The following NOTCH4 variants were observed in gnomAD, a reference collection of about 807,000 sequenced individuals.
The protein encoded by NOTCH4 is notch receptor 4.
Under a neutral mutation model 189.0 loss-of-function variants are expected in NOTCH4, and 138 were observed. The observed-to-expected ratio is 0.73, with a 90% CI of 0.64 to 0.84. The LOEUF (loss-of-function observed/expected upper bound fraction) is 0.84. Ranked by LOEUF, NOTCH4 falls within the 40% of genes least tolerant of loss-of-function variation. The pLI, the probability that NOTCH4 is intolerant of heterozygous loss-of-function variation, is 0.00. For missense variants in NOTCH4, 2,286 were observed against 2,605.4 expected, an observed-to-expected ratio of 0.88 and a Z score of 2.67; for synonymous variants, 942 against 1,032.8, an observed-to-expected ratio of 0.91 and a Z score of 1.69.
At chr6:32,214,021 A>G in intron 13 of NOTCH4, 89 bp downstream of exon 13, 1 of 1,490,014 alleles carries the variant, frequency 6.7e-7, no homozygotes, top group South Asian at 1.2e-5. Flanking sequence ...CTTAGTGGTG[A>G]CTGAGACTCA....
At position 32,220,660 on chromosome 6, in the gene NOTCH4, G is replaced by A. The variant is rs2127488050; in HGVS notation, c.923-19C>T. On this transcript the variant is annotated intron_variant, in intron 5 of 29. Transcript: ENST00000375023. ...TCCCAGCCTGCAGGGGGTTGGGGAGGGGACGAGGGCTAAGGCTGGGAGCCC... is the reference window on the plus strand; with the variant it reads ...TCCCAGCCTGCAGGGGGTTGGGGAGAGGACGAGGGCTAAGGCTGGGAGCCC... The A allele has an allele frequency of 3.7e-6, 6 of 1,612,936 alleles. No homozygotes were observed. Among genetic ancestry groups the A allele is most frequent in the Non-Finnish European group, 4.2e-6 (5 of 1,179,038 alleles).
rs765479460 is a variant in NOTCH4, at chr6:32,220,211, G to A, written c.1233C>T (p.Pro411=). 9 of 1,613,788 alleles carry A rather than the reference G, an allele frequency of 5.6e-6. No homozygotes were observed. The Admixed American group carries it at 1.0e-4, about 18-fold the overall frequency. ...ACAGGCAGAGTGTGGAGCCTGTGAG[G>A]GGGTTGGTGCTGCATTGGGCATCCC... The part of the protein sequence containing the change: ...CHGDAQCSTN[P]LTGSTLCLCQ... Residue 411 remains proline (P), a synonymous_variant, in exon 7 of 30, where the codon CCC becomes CCT. Coordinates refer to ENST00000375023, the MANE Select transcript of NOTCH4 (RefSeq NM_004557.4).
chr6:32,195,447 CCCTCTCCT>C lies in NOTCH4; in HGVS notation c.5994_6001del (p.Gly1999Ter), dbSNP rs1187858991. The C allele has an allele frequency of 1.3e-6, 2 of 1,591,286 alleles. No homozygotes were observed. Among genetic ancestry groups the C allele is most frequent in the African/African-American group, 2.7e-5 (2 of 74,132 alleles). The stretch of plus-strand genomic sequence containing the variant: ...CTACCATGTATTCTTCTATTTTTTA[CCCTCTCCT>C]CCTTGGTTTATGGGCATTTCTTGGA... On this transcript the variant is annotated frameshift_variant, in exon 30 of 30. Coordinates refer to ENST00000375023, the MANE Select transcript of NOTCH4 (RefSeq NM_004557.4). LOFTEE classifies it high-confidence loss of function. The surrounding 1 kb of genome is among the most constrained non-coding windows in gnomAD (Gnocchi z 5.4).
In NOTCH4 at chr6:32,212,474, C is replaced by T. The variant is rs2127477094; in HGVS notation, c.2680G>A (p.Gly894Ser). 6.2e-7 allele frequency: 1 copy of T among 1,607,112 alleles called. No homozygotes were observed. Among genetic ancestry groups the T allele is most frequent in the Non-Finnish European group, 8.5e-7 (1 of 1,177,286 alleles). The change falls in exon 17 of 30, where the codon GGC (glycine) becomes AGC (serine). Residue 894 changes from glycine (G) to serine (S), a missense_variant and splice_region_variant. Transcript: ENST00000375023. This position sits in a 1 kb window ranked among gnomAD's most constrained non-coding sequence, Gnocchi z 4.4. ...SSCQKAALSQGIDVSSLCHNG... is the reference protein window; with the variant it reads ...SSCQKAALSQSIDVSSLCHNG... ...TCCAGTCAGTGCCGGCGTTGGTTACCTTGGCTCAGTGCAGCCTTCTGGCAG... is the reference window on the plus strand; with the variant it reads ...TCCAGTCAGTGCCGGCGTTGGTTACTTTGGCTCAGTGCAGCCTTCTGGCAG...
rs1279928656 is a variant in NOTCH4, at chr6:32,223,082, C to G, written c.78G>C (p.Leu26=). The G allele has an allele frequency of 3.7e-6, 6 of 1,613,760 alleles. No individual in the cohort carries two copies. The highest frequency in any genetic ancestry group is 5.1e-6 in the Non-Finnish European group (6 of 1,179,722). ...AGGGTTCTGGGAAACTCCCACACAG[C>G]AGCCCTGAGGGTGGAGAGGCAGGCG... is the stretch of plus-strand genomic sequence containing the variant. ...LCVSVVRPRG[L]LCGSFPEPCA... Residue 26 remains leucine (L), a synonymous_variant, in exon 2 of 30, where the codon CTG becomes CTC. Transcript: ENST00000375023.
At position 32,210,948 on chromosome 6, in the gene NOTCH4, G is replaced by A. The variant is rs1788975276; in HGVS notation, c.2681-12C>T. 1 of 1,566,282 alleles carries A rather than the reference G, an allele frequency of 6.4e-7. No individual in the cohort carries two copies. Among genetic ancestry groups the A allele is most frequent in the Non-Finnish European group, 8.6e-7 (1 of 1,157,750 alleles). ...AGAGACGTCTATGCCTGGGGAGAGA[G>A]ACAAACAGGGATATACAAAGATAAG... On this transcript the variant is annotated splice_polypyrimidine_tract_variant and intron_variant, in intron 17 of 29. Transcript: ENST00000375023. The surrounding 1 kb of genome is among the most constrained non-coding windows in gnomAD (Gnocchi z 4.8).
At chr6:32,206,169 C>A (rs757302542) in intron 18 of NOTCH4, among the ~76,000 whole-genome samples, 28 of 152,122 alleles carry the variant, frequency 1.8e-4, no homozygotes, top group Admixed American at 1.6e-3. Flanking sequence ...CAAGGATGCT[C>A]ACTTTCACTA....
Position 32,212,102 on chromosome 6 carries a change from T to A in NOTCH4, c.2680+372A>T, listed in dbSNP as rs17201756. Among the ~76,000 whole-genome samples the A allele has an allele frequency of 0.031, 4,714 of 152,022 alleles. 106 individuals carry two copies. The highest frequency in any genetic ancestry group is 0.093 in the South Asian group (449 of 4,814). On this transcript the variant is annotated intron_variant, in intron 17 of 29. Coordinates refer to ENST00000375023, the MANE Select transcript of NOTCH4 (RefSeq NM_004557.4). The surrounding 1 kb of genome is among the most constrained non-coding windows in gnomAD (Gnocchi z 4.4). ...GAGGGTGGCGTGACATCGAAGTGAG[T>A]GGGGTGGGGTGAAATGCGTTGAGTG...
In NOTCH4 at chr6:32,202,741, C is replaced by G. The variant is rs1204532670; in HGVS notation, c.3232-142G>C. The G allele has an allele frequency of 4.4e-6, 3 of 687,094 alleles. No individual in the cohort carries two copies. The highest frequency in any genetic ancestry group is 7.0e-6 in the Non-Finnish European group (3 of 427,850). The allele number at this position is 687,094 out of a possible 1,614,324, so 42.6% of individuals were successfully genotyped here. ...GCGCCTCAGAGAGCATCAAGTTAAT[C>G]ATTTTGTGGATGTTGAAACCATGTC... On this transcript the variant is annotated intron_variant, in intron 20 of 29. Transcript: ENST00000375023. This position sits in a 1 kb window ranked among gnomAD's most constrained non-coding sequence, Gnocchi z 5.7.
At position 32,221,517 on chromosome 6, in the gene NOTCH4, G is replaced by T. The variant is rs1317529541; in HGVS notation, c.452-192C>A. 6.6e-6 allele frequency among the ~76,000 whole-genome samples: 1 copy of T among 152,152 alleles called. No homozygotes were observed. Among genetic ancestry groups the T allele is most frequent in the African/African-American group, 2.4e-5 (1 of 41,416 alleles). The stretch of plus-strand genomic sequence containing the variant: ...GTCATGGCTTGGGAGGGTTTATCTG[G>T]AGTGACCATATCTTCTAAAGTGATG... On this transcript the variant is annotated intron_variant, in intron 3 of 29. Transcript: ENST00000375023. This position sits in a 1 kb window ranked among gnomAD's most constrained non-coding sequence, Gnocchi z 4.3.
chr6:32,195,721 T>G lies in NOTCH4; in HGVS notation c.5728A>C (p.Thr1910Pro), dbSNP rs2127458168. ...LSGVGAGGGPTPRGRRFSAGM... is the reference protein window; with the variant it reads ...LSGVGAGGGPPPRGRRFSAGM... Reference sequence around the variant, plus strand: ...GCAGAAAACCTACGGCCGCGAGGGGTCGGGCCTCCTCCTGCTCCTACTCCC... The same window carrying G: ...GCAGAAAACCTACGGCCGCGAGGGGGCGGGCCTCCTCCTGCTCCTACTCCC... Residue 1910 changes from threonine (T) to proline (P), a missense_variant, in exon 30 of 30, where the codon ACC (threonine) becomes CCC (proline). Around this residue, in one of 2 missense-constraint regions of NOTCH4, gnomAD observed 383 missense variants for 343.5 expected, o/e 1.11. Coordinates refer to ENST00000375023, the MANE Select transcript of NOTCH4 (RefSeq NM_004557.4). The surrounding 1 kb of genome is among the most constrained non-coding windows in gnomAD (Gnocchi z 5.4). 6.2e-7 allele frequency: 1 copy of G among 1,612,656 alleles called. No homozygotes were observed. Among genetic ancestry groups the G allele is most frequent in the Non-Finnish European group, 8.5e-7 (1 of 1,179,886 alleles).
rs1561937635 is a variant in NOTCH4 at position 32,214,249 on chromosome 6, T to A, written c.2028A>T (p.Ser676=). 1 of 1,612,936 alleles carries A rather than the reference T, an allele frequency of 6.2e-7. No individual in the cohort carries two copies. The highest frequency in any genetic ancestry group is 8.5e-7 in the Non-Finnish European group (1 of 1,179,514). The part of the protein sequence containing the change: ...TCHHGHCQRS[S]CVCDVGWTGP... ...CCGTCCAACCCACGTCACACACACA[T>A]GAGGATCTGGTTGTAAAGAGAAAGG... Residue 676 remains serine, a synonymous_variant, in exon 13 of 30, where the codon TCA becomes TCT. Transcript: ENST00000375023.
chr6:32,213,082 G>A, intron 15 of NOTCH4, 53 bp downstream of exon 15: 1 of 1,380,490 alleles, frequency 7.2e-7, no homozygotes, highest in Non-Finnish European at 1.0e-6. Context: ...GAGAGGAGGG[G>A]TGGGAAGGCT....
chr6:32,213,552 A>T, intron 14 of NOTCH4, 136 bp downstream of exon 14: 1 of 1,127,168 alleles, frequency 8.9e-7, no homozygotes, highest in Non-Finnish European at 1.3e-6. Flanking sequence ...TGCCCAGCTA[A>T]TTTAGAGATG....
chr6:32,199,309 G>A lies in NOTCH4; in HGVS notation c.4316-164C>T, dbSNP rs1399102520. Among the ~76,000 whole-genome samples the A allele has an allele frequency of 6.6e-6, 1 of 152,224 alleles. No homozygotes were observed. The highest frequency in any genetic ancestry group is 2.4e-5 in the African/African-American group (1 of 41,458). On this transcript the variant is annotated intron_variant, in intron 23 of 29. Transcript: ENST00000375023. This position sits in a 1 kb window ranked among gnomAD's most constrained non-coding sequence, Gnocchi z 4.9. ...AGGTTGGGCACAGTGGCTCATGCCT[G>A]TAATCCCAGCACTTTGGGAAGCTGA...
rs746597692 is a variant in NOTCH4 at position 32,200,846 on chromosome 6, G to A, written c.4300C>T (p.Pro1434Ser). 6.2e-7 allele frequency: 1 copy of A among 1,607,122 alleles called. No individual in the cohort carries two copies. The highest frequency in any genetic ancestry group is 1.1e-5 in the South Asian group (1 of 90,228). Residue 1434 changes from proline to serine, a missense_variant, in exon 23 of 30, where the codon CCT (proline) becomes TCT (serine). This residue lies in a region of NOTCH4 where 1,903 missense variants were observed against 2,261.9 expected (regional missense o/e 0.84). Coordinates refer to ENST00000375023, the MANE Select transcript of NOTCH4 (RefSeq NM_004557.4). The surrounding 1 kb of genome is among the most constrained non-coding windows in gnomAD (Gnocchi z 5.0). Reference sequence around the variant, plus strand: ...GGTCACCTACCGGTCCCTGCATGAGGGTGGACAGCCAGCAGTGGTCCAGGC... The same window carrying A: ...GGTCACCTACCGGTCCCTGCATGAGAGTGGACAGCCAGCAGTGGTCCAGGC... ...LLPGPLLAVH[P>S]HAGTAPPANQ...
In NOTCH4 at chr6:32,218,070, A is replaced by G. The variant is rs547852732; in HGVS notation, c.1549T>C (p.Cys517Arg). 1.9e-6 allele frequency: 3 copies of G among 1,613,758 alleles called. No individual in the cohort carries two copies. The highest frequency in any genetic ancestry group is 3.3e-5 in the Admixed American group (2 of 59,994). The change falls in exon 9 of 30, where the codon TGT becomes CGT. Residue 517 changes from cysteine to arginine, a missense_variant. By Grantham distance (180) the Cys-to-Arg change is radical. Transcript: ENST00000375023. ...GQLCEVETNECASAPCLNHAD... is the reference protein window; with the variant it reads ...GQLCEVETNERASAPCLNHAD... Reference sequence around the variant, plus strand: ...TGGTTCAGGCAGGGAGCTGAGGCACACTCGTTGGTCTCCACCTCACAGAGC... The same window carrying G: ...TGGTTCAGGCAGGGAGCTGAGGCACGCTCGTTGGTCTCCACCTCACAGAGC...
Position 32,221,096 on chromosome 6 carries a change from C to T in NOTCH4, c.681G>A (p.Glu227=), listed in dbSNP as rs1331356483. Residue 227 remains glutamate (E), a synonymous_variant, in exon 4 of 30, where the codon GAG becomes GAA. Transcript: ENST00000375023. The surrounding 1 kb of genome is among the most constrained non-coding windows in gnomAD (Gnocchi z 4.3). ...CTGCCCGCAGCTCACAACGTGGACC[C>T]TCCTGCCCCACAGGGCAGAGGCACT... ...SFQCLCPVGQ[E]GPRCELRAGP... is the part of the protein sequence containing the mutation. 2 of 1,613,120 alleles carry T rather than the reference C, an allele frequency of 1.2e-6. No individual in the cohort carries two copies. The highest frequency in any genetic ancestry group is 1.7e-6 in the Non-Finnish European group (2 of 1,180,006).
intron 2 of NOTCH4, 71 bp downstream of exon 2, chr6:32,222,934 T>C: frequency 6.5e-7 from 1 of 1,547,354 alleles, no homozygotes; most frequent in East Asian, 2.2e-5. Flanking sequence ...TGGTCTCACT[T>C]CCTCACCTCT....
Sources: gnomAD v4.1 joint callset for allele counts (sites outside exome capture counted in the v4.1 genomes callset) on GRCh38, gnomAD v4.1.1 for gene constraint, gnomAD v4.1.1 regional missense constraint, Gnocchi (gnomAD v3.1) non-coding constraint, MANE v1.5 for transcripts, NCBI Gene and HGNC (gene_info 2026-07-23, HGNC 2026-07-21) for gene names.